The following SLC39A11 variants were observed in gnomAD, a reference collection of about 807,000 sequenced individuals.
The protein encoded by SLC39A11 is solute carrier family 39 member 11.
In SLC39A11, 33 loss-of-function variants were observed where a neutral mutation model predicts 36.1. The observed-to-expected ratio is 0.91, with a 90% confidence interval of 0.69 to 1.22. The LOEUF (loss-of-function observed/expected upper bound fraction) is 1.22, where lower values mean the gene tolerates loss of function less well. SLC39A11 is among the 50% of genes most tolerant of loss of function. SLC39A11 has a pLI of 0.00. For missense variants in SLC39A11, 432 were observed against 430.3 expected (o/e 1.00, Z -0.03); for synonymous variants, 166 against 170.3 (o/e 0.97, Z 0.20).
At chr17:73,017,371 C>T (rs2058202988) in intron 4 of SLC39A11, among the ~76,000 whole-genome samples, 1 of 152,100 alleles carries the variant, frequency 6.6e-6, no homozygotes, top group South Asian at 2.1e-4. Context: ...TAGGGACTTT[C>T]CAAACTGCAG....
At chr17:72,861,271 G>T (rs929389296) in intron 5 of SLC39A11, among the ~76,000 whole-genome samples, 7 of 152,068 alleles carry the variant, frequency 4.6e-5, no homozygotes, top group African/African-American at 1.7e-4. Flanking sequence ...TGTTCACGCT[G>T]ACATTTTCAA....
At chr17:72,932,116 A>G (rs2084433703) in intron 5 of SLC39A11, among the ~76,000 whole-genome samples, 1 of 152,064 alleles carries the variant, frequency 6.6e-6, no homozygotes, top group Admixed American at 6.6e-5. Context: ...AATAACTAAC[A>G]TTCATTGAGA....
chr17:72,878,055 T>TGA (rs1179906290), intron 5 of SLC39A11, among the ~76,000 whole-genome samples: 2 of 145,122 alleles, frequency 1.4e-5, no homozygotes, highest in Non-Finnish European at 3.0e-5. Flanking sequence ...CGCCTATGAG[T>TGA]GAGAACACGC....
intron 4 of SLC39A11, among the ~76,000 whole-genome samples, chr17:72,990,993 CCTT>C (rs1289986790): frequency 6.6e-6 from 1 of 152,186 alleles, no homozygotes; most frequent in Non-Finnish European, 1.5e-5. Context: ...TTTTAAGACT[CCTT>C]CTTAAGGCAA....
chr17:72,955,493 G>C (rs2086193489), intron 4 of SLC39A11, among the ~76,000 whole-genome samples: 1 of 134,000 alleles, frequency 7.5e-6, no homozygotes, highest in Non-Finnish European at 1.6e-5. Flanking sequence ...TTTTTCAGTA[G>C]AGATGAGGTT....
At chr17:72,996,405 G>T (rs937081993) in intron 4 of SLC39A11, among the ~76,000 whole-genome samples, 2 of 152,286 alleles carry the variant, frequency 1.3e-5, no homozygotes, top group African/African-American at 4.8e-5. Context: ...TGGCTTCAAT[G>T]ACATAAATTT....
intron 4 of SLC39A11, among the ~76,000 whole-genome samples, chr17:72,963,100 C>G (rs73347591): frequency 0.043 from 6,543 of 151,468 alleles, 495 homozygotes; most frequent in African/African-American, 0.15. Context: ...CTTAATGGGA[C>G]TTAATTCCCA....
At chr17:73,077,358 C>G (rs1599171199) in intron 3 of SLC39A11, among the ~76,000 whole-genome samples, 1 of 152,222 alleles carries the variant, frequency 6.6e-6, no homozygotes, top group Admixed American at 6.5e-5. Context: ...ACTCCTATTG[C>G]CCAGGCTGGA....
At chr17:72,785,354 G>A (rs1290751239) in intron 6 of SLC39A11, among the ~76,000 whole-genome samples, 1 of 152,170 alleles carries the variant, frequency 6.6e-6, no homozygotes, top group Non-Finnish European at 1.5e-5. Flanking sequence ...CTAGATGTTT[G>A]TAGGCTGAAG....
At chr17:73,039,245 C>G (rs1330792423) in intron 3 of SLC39A11, among the ~76,000 whole-genome samples, 1 of 152,102 alleles carries the variant, frequency 6.6e-6, no homozygotes, top group Non-Finnish European at 1.5e-5. Context: ...TTGGATTCAT[C>G]CCTCTCCCCG....
In SLC39A11 at chr17:72,747,725, G is replaced by A. The variant is rs113786974; in HGVS notation, c.602-11006C>T. On this transcript the variant is annotated intron_variant, in intron 6 of 9. Coordinates refer to ENST00000255559, the MANE Select transcript of SLC39A11 (RefSeq NM_139177.4). ...TGATTTGCTGATAACCCTGCATGGC[G>A]TGTCTTTGGTTGCAAAGGTCTAGCA... Among the ~76,000 whole-genome samples the A allele has an allele frequency of 2.5e-3, 385 of 152,268 alleles. 3 individuals are homozygous for A. The highest frequency in any genetic ancestry group is 0.017 in the Middle Eastern group (5 of 294).
intron 7 of SLC39A11, among the ~76,000 whole-genome samples, chr17:72,688,868 G>A (rs977575413): frequency 6.6e-6 from 1 of 152,116 alleles, no homozygotes; most frequent in African/African-American, 2.4e-5. Context: ...CCAGAAATAT[G>A]GCTGCAGCTA....
At chr17:72,776,610 G>GAAAAAAAAAAAA (rs34044701) in intron 6 of SLC39A11, among the ~76,000 whole-genome samples, 1 of 119,856 alleles carries the variant, frequency 8.3e-6, no homozygotes. Context: ...ACTTTGCATG[G>GAAAAAAAAAAAA]AAAAAAAAAA....
rs149675647 is a variant in SLC39A11, at chr17:73,048,134, C to G, written c.148-16420G>C. ...AGCTTTGTTACATGGGTATACTGCA[C>G]CCAGGTAGTGACCACAGCACCCAAT... On this transcript the variant is annotated intron_variant, in intron 3 of 9. Coordinates refer to ENST00000255559, the MANE Select transcript of SLC39A11 (RefSeq NM_139177.4). Among the ~76,000 whole-genome samples the G allele has an allele frequency of 5.2e-3, 788 of 151,134 alleles. 18 individuals carry two copies. The highest frequency in any genetic ancestry group is 0.039 in the Admixed American group (583 of 15,088).
chr17:72,811,540 C>T (rs1402969191), intron 6 of SLC39A11, among the ~76,000 whole-genome samples: 1 of 152,230 alleles, frequency 6.6e-6, no homozygotes, highest in African/African-American at 2.4e-5. Context: ...GTCAGAGATG[C>T]AGTAACTGAG....
At chr17:72,886,477 G>A (rs1298910885) in intron 5 of SLC39A11, among the ~76,000 whole-genome samples, 7 of 151,852 alleles carry the variant, frequency 4.6e-5, no homozygotes, top group African/African-American at 1.2e-4. Flanking sequence ...TTACCTATCC[G>A]CAAATCCCAT....
At chr17:72,647,847 C>T (rs984103919) in intron 9 of SLC39A11, among the ~76,000 whole-genome samples, 185 bp from the exon 10 acceptor site, 39 of 152,314 alleles carry the variant, frequency 2.6e-4, no homozygotes, top group Admixed American at 2.0e-4. Context: ...AAACAACAAC[C>T]TCATGAGGTC....
intron 4 of SLC39A11, among the ~76,000 whole-genome samples, chr17:72,971,904 A>G (rs1447914257): frequency 6.6e-6 from 1 of 152,204 alleles, no homozygotes; most frequent in East Asian, 1.9e-4. Context: ...TGCAGACTCA[A>G]GTTCTGCTTA....
intron 6 of SLC39A11, among the ~76,000 whole-genome samples, chr17:72,813,994 A>T (rs1028980241): frequency 1.3e-5 from 2 of 152,156 alleles, no homozygotes; most frequent in Non-Finnish European, 2.9e-5. Context: ...ATATAATGGG[A>T]CTTATCCGGT....
Sources: gnomAD v4.1 joint callset for allele counts (sites outside exome capture counted in the v4.1 genomes callset) on GRCh38, gnomAD v4.1.1 for gene constraint, MANE v1.5 for transcripts, NCBI Gene and HGNC (gene_info 2026-07-23, HGNC 2026-07-21) for gene names.